RPS6KB1: variants seen among roughly 807,000 people sequenced by gnomAD.
RPS6KB1 encodes the protein ribosomal protein S6 kinase beta-1.
Under a neutral mutation model 70.2 loss-of-function variants are expected in RPS6KB1, and 12 were observed. The ratio of observed to expected loss-of-function variants is 0.17; its 90% CI spans 0.11 to 0.28. The LOEUF (loss-of-function observed/expected upper bound fraction) is 0.28, where lower values mean the gene tolerates loss of function less well. Ranked by LOEUF, RPS6KB1 falls within the 10% of genes least tolerant of loss-of-function variation. RPS6KB1 has a pLI of 1.00. For synonymous variants in RPS6KB1, 175 were observed against 211.2 expected (o/e 0.83, Z 1.49); for missense variants, 270 against 646.6 (o/e 0.42, Z 6.32).
Position 59,946,917 on chromosome 17 carries a change from C to T in RPS6KB1, c.*129C>T. On this transcript the variant is annotated 3_prime_UTR_variant, in exon 15 of 15. Coordinates refer to ENST00000225577, the MANE Select transcript of RPS6KB1 (RefSeq NM_003161.4). This position sits in a 1 kb window ranked among gnomAD's most constrained non-coding sequence, Gnocchi z 4.2. ...ATGTCATTACATAGAACACTTCAGA[C>T]ACAGGAAAAATAAACGTGGATTTTA... 1 of 1,499,460 alleles carries T rather than the reference C, an allele frequency of 6.7e-7. No homozygotes were observed. The highest frequency in any genetic ancestry group is 1.4e-5 in the South Asian group (1 of 71,380). The allele number at this position is 1,499,460 out of a possible 1,614,324, so 92.9% of individuals were successfully genotyped here.
At chr17:59,905,322 T>TGATG (rs1437598640) in intron 1 of RPS6KB1, among the ~76,000 whole-genome samples, 2 of 152,064 alleles carry the variant, frequency 1.3e-5, no homozygotes, top group African/African-American at 4.8e-5. Context: ...TGAGCTTTCT[T>TGATG]GATGGTGTTG....
At chr17:59,896,386 G>C (rs2041568890) in intron 1 of RPS6KB1, among the ~76,000 whole-genome samples, 1 of 152,076 alleles carries the variant, frequency 6.6e-6, no homozygotes, top group Admixed American at 6.6e-5. Context: ...TAGAGACGGG[G>C]TTTCTCCATG....
At chr17:59,930,026 A>C in intron 5 of RPS6KB1, 91 bp from the exon 6 acceptor site, 4 of 737,294 alleles carry the variant, frequency 5.4e-6, no homozygotes, top group Non-Finnish European at 9.6e-6. Context: ...TCTTTTAATT[A>C]TGGTTAGAAG....
At chr17:59,918,571 T>C (rs534976952) in intron 4 of RPS6KB1, among the ~76,000 whole-genome samples, 20 of 152,138 alleles carry the variant, frequency 1.3e-4, no homozygotes, top group Middle Eastern at 3.4e-3. Flanking sequence ...GGTTTCATCA[T>C]GTTGGCCAGA....
Position 59,934,593 on chromosome 17 carries a change from C to A in RPS6KB1, c.870+69C>A. ...GAGTCACTATAGCAAGAGACCTGTC[C>A]TGTGCTTTCTGAACATGTTACCAGT... On this transcript the variant is annotated intron_variant, in intron 9 of 14. Coordinates refer to ENST00000225577, the MANE Select transcript of RPS6KB1 (RefSeq NM_003161.4). The surrounding 1 kb of genome is among the most constrained non-coding windows in gnomAD (Gnocchi z 4.8). 8.6e-7 allele frequency: 1 copy of A among 1,161,566 alleles called. No individual in the cohort carries two copies. Among genetic ancestry groups the A allele is most frequent in the Non-Finnish European group, 1.3e-6 (1 of 788,382 alleles). 72.0% of individuals were successfully genotyped at this position (1,161,566 alleles called of 1,614,324 possible).
intron 4 of RPS6KB1, among the ~76,000 whole-genome samples, chr17:59,922,336 C>T (rs1306557137): frequency 2.0e-5 from 3 of 151,922 alleles, no homozygotes; most frequent in South Asian, 2.1e-4. Context: ...CCTCCGTTCC[C>T]GGCCTCTTTT....
intron 2 of RPS6KB1, among the ~76,000 whole-genome samples, chr17:59,911,406 G>A (rs2144780823): frequency 6.6e-6 from 1 of 152,126 alleles, no homozygotes; most frequent in South Asian, 2.1e-4. Flanking sequence ...TGTCACCCAG[G>A]CTGGAGTGCA....
At chr17:59,932,550 CTT>C (rs11390348) in intron 7 of RPS6KB1, among the ~76,000 whole-genome samples, 8 of 130,250 alleles carry the variant, frequency 6.1e-5, no homozygotes, top group Admixed American at 1.6e-4. Context: ...CATCAGGTTA[CTT>C]TTTTTTTTTT....
rs1368989996 is a variant in RPS6KB1, at chr17:59,910,588, T to C, written c.168T>C (p.His56=). 3 of 1,591,378 alleles carry C rather than the reference T, an allele frequency of 1.9e-6. No homozygotes were observed. Among genetic ancestry groups the C allele is most frequent in the African/African-American group, 1.3e-5 (1 of 74,224 alleles). Reference sequence around the variant, plus strand: ...GTCAGTTAAATGAAAGCATGGACCATGGGGGAGTTGGACCATATGAACTGT... The same window carrying C: ...GTCAGTTAAATGAAAGCATGGACCACGGGGGAGTTGGACCATATGAACTGT... ...EGGQLNESMD[H]GGVGPYELGM... Residue 56 remains histidine, a synonymous_variant, in exon 2 of 15, where the codon CAT becomes CAC. Coordinates refer to ENST00000225577, the MANE Select transcript of RPS6KB1 (RefSeq NM_003161.4).
intron 6 of RPS6KB1, chr17:59,931,398 G>T: frequency 2.0e-6 from 1 of 488,600 alleles, no homozygotes; most frequent in Non-Finnish European, 3.7e-6. Flanking sequence ...ATATTCTAAT[G>T]GCAAAATAAA....
chr17:59,924,120 T>G lies in RPS6KB1; in HGVS notation c.382-2315T>G, dbSNP rs1215697952. 2.6e-5 allele frequency among the ~76,000 whole-genome samples: 4 copies of G among 152,018 alleles called. No homozygotes were observed. The East Asian group carries it at 7.7e-4, about 29-fold the overall frequency. ...AGGCCAAGGCGGGCGGATCATGAGC[T>G]CAGTTCGAAACCAGCCTGGCCAGCA... On this transcript the variant is annotated intron_variant, in intron 4 of 14. Coordinates refer to ENST00000225577, the MANE Select transcript of RPS6KB1 (RefSeq NM_003161.4).
At chr17:59,896,180 GTTTAT>G (rs1304845580) in intron 1 of RPS6KB1, among the ~76,000 whole-genome samples, 1 of 151,888 alleles carries the variant, frequency 6.6e-6, no homozygotes. Flanking sequence ...TCCAGACTGG[GTTTAT>G]TTTATTTTAT....
Position 59,931,396 on chromosome 17 carries a change from A to G in RPS6KB1, c.588-226A>G, listed in dbSNP as rs373692567. ...TTTGCAATTTTAGCAATATATTCTA[A>G]TGGCAAAATAAAGCACTTTATAGTT... On this transcript the variant is annotated intron_variant, in intron 6 of 14. Transcript: ENST00000225577. 1.0e-5 allele frequency: 5 copies of G among 486,288 alleles called. No homozygotes were observed. The South Asian group carries it at 1.3e-4, about 13-fold the overall frequency. The allele number at this position is 486,288 out of a possible 1,614,324, so 30.1% of individuals were successfully genotyped here.
At position 59,934,016 on chromosome 17, in the gene RPS6KB1, A is replaced by G. The variant is rs575520290; in HGVS notation, c.689-154A>G. 1.6e-6 allele frequency: 1 copy of G among 622,958 alleles called. No homozygotes were observed. Among genetic ancestry groups the G allele is most frequent in the Admixed American group, 2.8e-5 (1 of 35,368 alleles). 38.6% of individuals were successfully genotyped at this position (622,958 alleles called of 1,614,324 possible). On this transcript the variant is annotated intron_variant, in intron 7 of 14. Transcript: ENST00000225577. The surrounding 1 kb of genome is among the most constrained non-coding windows in gnomAD (Gnocchi z 4.8). ...CCTAGCCTTAAACAGTTAGCATCCC[A>G]TTTTATGGATGGTACCTTGTTCTTG...
intron 13 of RPS6KB1, chr17:59,945,182 A>T: frequency 2.8e-6 from 1 of 362,130 alleles, no homozygotes; most frequent in Non-Finnish European, 5.0e-6. Flanking sequence ...TTTGTTTGCT[A>T]GCATATCAGG....
At chr17:59,908,649 C>G (rs1188322850) in intron 1 of RPS6KB1, among the ~76,000 whole-genome samples, 1 of 118,544 alleles carries the variant, frequency 8.4e-6, no homozygotes, top group Non-Finnish European at 1.6e-5. Context: ...GACGGAGTCT[C>G]GCTCTGTCGC....
Position 59,893,891 on chromosome 17 carries a change from A to G in RPS6KB1, c.141+566A>G. On this transcript the variant is annotated intron_variant, in intron 1 of 14. Transcript: ENST00000225577. This position sits in a 1 kb window ranked among gnomAD's most constrained non-coding sequence, Gnocchi z 4.1. The stretch of plus-strand genomic sequence containing the variant: ...CCACCAGGAGTTTTATTTCGGGAGC[A>G]AGGGGGCTCTGCTGCATCTTCCAAT... 1 of 984,446 alleles carries G rather than the reference A, an allele frequency of 1.0e-6. No individual in the cohort carries two copies. Among genetic ancestry groups the G allele is most frequent in the Non-Finnish European group, 1.2e-6 (1 of 829,890 alleles). 61.0% of individuals were successfully genotyped at this position (984,446 alleles called of 1,614,324 possible).
intron 1 of RPS6KB1, among the ~76,000 whole-genome samples, chr17:59,899,585 G>A (rs2041785351): frequency 6.6e-6 from 1 of 152,108 alleles, no homozygotes; most frequent in Non-Finnish European, 1.5e-5. Context: ...TTAGTCTTTT[G>A]TCATAAAAGT....
intron 1 of RPS6KB1, among the ~76,000 whole-genome samples, chr17:59,901,987 G>A (rs1344130265): frequency 4.3e-5 from 6 of 141,140 alleles, no homozygotes; most frequent in South Asian, 2.2e-4. Flanking sequence ...ACTTCAACCT[G>A]CGCAACAGAA....
Sources: gnomAD v4.1 joint callset for allele counts (sites outside exome capture counted in the v4.1 genomes callset) on GRCh38, gnomAD v4.1.1 for gene constraint, Gnocchi (gnomAD v3.1) non-coding constraint, MANE v1.5 for transcripts, NCBI Gene and HGNC (gene_info 2026-07-23, HGNC 2026-07-21) for gene names.